Variants in USP37 observed in about 807,000 individuals in gnomAD.
The protein encoded by USP37 is ubiquitin carboxyl-terminal hydrolase 37.
USP37 carries 27 observed loss-of-function variants against 124.0 expected under a neutral mutation model. That is an observed-to-expected ratio of 0.22 (90% CI 0.16 to 0.30). USP37 has a LOEUF of 0.30. USP37 is among the 10% of genes least tolerant of loss of function. USP37 has a pLI of 1.00. For synonymous variants in USP37, 365 were observed against 388.0 expected, an observed-to-expected ratio of 0.94 and a Z score of 0.70; for missense variants, 889 against 1,140.4, an observed-to-expected ratio of 0.78 and a Z score of 3.17.
chr2:218,535,320 C>A (rs1391095564), intron 8 of USP37, among the ~76,000 whole-genome samples: 1 of 150,996 alleles, frequency 6.6e-6, no homozygotes, highest in Non-Finnish European at 1.5e-5. Context: ...GAGCCGTGAT[C>A]GCGCCACTGC....
intron 3 of USP37, among the ~76,000 whole-genome samples, chr2:218,559,184 G>A (rs1463473885): frequency 1.3e-5 from 2 of 152,004 alleles, no homozygotes; most frequent in East Asian, 1.9e-4. Context: ...GGTGATACAC[G>A]CCTATAGTCT....
intron 10 of USP37, among the ~76,000 whole-genome samples, chr2:218,526,835 C>T (rs1690997979): frequency 7.0e-6 from 1 of 142,286 alleles, no homozygotes; most frequent in Admixed American, 7.1e-5. Flanking sequence ...GTCGCCCAGG[C>T]TGGAGTGCAG....
At chr2:218,534,475 CA>C (rs943297313) in intron 9 of USP37, 133 bp downstream of exon 9, 1 of 358,302 alleles carries the variant, frequency 2.8e-6, no homozygotes, top group Non-Finnish European at 4.3e-6. Context: ...GGCGACAGAG[CA>C]AGACTCCGTC....
intron 14 of USP37, among the ~76,000 whole-genome samples, chr2:218,495,009 A>G (rs1349864644): frequency 6.6e-6 from 1 of 152,196 alleles, no homozygotes; most frequent in Non-Finnish European, 1.5e-5. Context: ...TCCCAAACAA[A>G]TCGATATTCT....
At position 218,479,680 on chromosome 2, in the gene USP37, G is replaced by T. The variant is rs758275788; in HGVS notation, c.1871C>A (p.Ser624Tyr). 7.4e-6 allele frequency: 12 copies of T among 1,611,980 alleles called. No individual in the cohort carries two copies. Residue 624 changes from serine to tyrosine, a missense_variant, in exon 18 of 26, where the codon TCC becomes TAC. This residue lies in a region of USP37 where 504 missense variants were observed against 714.3 expected (regional missense o/e 0.71). Transcript: ENST00000258399. Reference sequence around the variant, plus strand: ...AGGTGTAGAAGGGCTGGTGATGCAGGAATTCACCATTTGAGAGGCTTTCAA... The same window carrying T: ...AGGTGTAGAAGGGCTGGTGATGCAGTAATTCACCATTTGAGAGGCTTTCAA... ...RPLKASQMVN[S>Y]CITSPSTPSK... is the part of the protein sequence containing the mutation.
At chr2:218,532,000 T>G (rs537370868) in intron 9 of USP37, among the ~76,000 whole-genome samples, 1 of 152,204 alleles carries the variant, frequency 6.6e-6, no homozygotes, top group Non-Finnish European at 1.5e-5. Context: ...AGTTACAACA[T>G]AGGATTTAGA....
chr2:218,545,791 GC>G (rs1692286668), intron 8 of USP37, among the ~76,000 whole-genome samples: 1 of 152,112 alleles, frequency 6.6e-6, no homozygotes, highest in Non-Finnish European at 1.5e-5. Context: ...AAAGATTAAT[GC>G]TACTTGCCTA....
intron 15 of USP37, among the ~76,000 whole-genome samples, chr2:218,487,299 G>C (rs183113163): frequency 6.6e-6 from 1 of 152,138 alleles, no homozygotes; most frequent in South Asian, 2.1e-4. Flanking sequence ...AAAGAGCAAA[G>C]AATATTTTCT....
intron 10 of USP37, chr2:218,528,610 T>C (rs1691114262): frequency 2.5e-6 from 1 of 398,994 alleles, no homozygotes; most frequent in African/African-American, 2.1e-5. Flanking sequence ...AACTCATCCA[T>C]TTTTATGGCT....
At chr2:218,490,942 C>T (rs1200646533) in intron 14 of USP37, among the ~76,000 whole-genome samples, 3 of 152,174 alleles carry the variant, frequency 2.0e-5, no homozygotes, top group Admixed American at 6.6e-5. Flanking sequence ...GGCCCGACCA[C>T]GGCTCACTAC....
chr2:218,467,265 C>T (rs1690386986), intron 20 of USP37, among the ~76,000 whole-genome samples: 1 of 150,446 alleles, frequency 6.6e-6, no homozygotes, highest in African/African-American at 2.4e-5. Context: ...CCGCCTCAGA[C>T]TCCTGAGTAG....
At chr2:218,560,009 C>A (rs900728241) in intron 3 of USP37, among the ~76,000 whole-genome samples, 2 of 151,366 alleles carry the variant, frequency 1.3e-5, no homozygotes, top group African/African-American at 4.8e-5. Context: ...AAAAAAAACA[C>A]AAAAAACTTA....
chr2:218,494,845 A>C (rs960986726), intron 14 of USP37, among the ~76,000 whole-genome samples: 13 of 152,202 alleles, frequency 8.5e-5, no homozygotes, highest in African/African-American at 3.1e-4. Context: ...AATTACTGTA[A>C]ATACGGTTGA....
chr2:218,561,992 C>T (rs1365880392), intron 2 of USP37, among the ~76,000 whole-genome samples: 2 of 152,164 alleles, frequency 1.3e-5, no homozygotes, highest in Non-Finnish European at 2.9e-5. Context: ...AATTTCTTCT[C>T]CTGGCTCTAA....
chr2:218,558,283 A>G (rs916160857), intron 4 of USP37, among the ~76,000 whole-genome samples: 3 of 152,214 alleles, frequency 2.0e-5, no homozygotes, highest in Non-Finnish European at 4.4e-5. Context: ...TTTCTTTTCA[A>G]TAATGGTGAC....
chr2:218,547,308 G>A (rs912969990), intron 6 of USP37, among the ~76,000 whole-genome samples: 7 of 152,058 alleles, frequency 4.6e-5, no homozygotes, highest in African/African-American at 1.7e-4. Context: ...TAGCCTAGGC[G>A]ACAGAGCAAG....
intron 3 of USP37, 126 bp downstream of exon 3, chr2:218,560,694 T>A (rs1348104943): frequency 6.6e-6 from 1 of 152,192 alleles, no homozygotes; most frequent in African/African-American, 2.4e-5. Flanking sequence ...GAACCTAGCA[T>A]TGCCAGACCA....
chr2:218,533,468 G>A (rs1239807321), intron 9 of USP37, among the ~76,000 whole-genome samples: 1 of 152,036 alleles, frequency 6.6e-6, no homozygotes, highest in Non-Finnish European at 1.5e-5. Flanking sequence ...CTTGTCATTT[G>A]GCCATGCACT....
chr2:218,546,269 G>C lies in USP37; in HGVS notation c.632C>G (p.Thr211Ser), dbSNP rs199617877. The change falls in exon 8 of 26, where the codon ACT becomes AGT. Residue 211 changes from threonine (T) to serine (S), a missense_variant. Transcript: ENST00000258399. ...RTEKRKRMIS[T>S]GSELNEDYPK... ...GTAATCTTCATTCAATTCTGAGCCA[G>C]TTGATATCATTCTTTTCCTCTTTTC... The C allele has an allele frequency of 4.6e-5, 74 of 1,613,106 alleles. No homozygotes were observed. In the South Asian group the frequency reaches 6.8e-4, roughly 15 times the overall value.
Sources: allele counts gnomAD v4.1 joint callset (sites outside exome capture counted in the v4.1 genomes callset), GRCh38; gene constraint gnomAD v4.1.1; regional missense constraint gnomAD v4.1.1; transcripts MANE v1.5; gene names NCBI Gene and HGNC (gene_info 2026-07-23, HGNC 2026-07-21).